The following MCF2L variants were observed in gnomAD, a reference collection of about 807,000 sequenced individuals.
MCF2L encodes the protein guanine nucleotide exchange factor DBS.
Under a neutral mutation model 153.4 loss-of-function variants are expected in MCF2L, and 97 were observed. The observed-to-expected ratio is 0.63, with a 90% CI of 0.54 to 0.75. MCF2L has a LOEUF of 0.75. MCF2L is among the 30% of genes least tolerant of loss of function. The pLI is 0.00. For missense variants in MCF2L, 1,347 were observed against 1,495.2 expected, an observed-to-expected ratio of 0.90 and a Z score of 1.64; for synonymous variants, 659 against 632.2, an observed-to-expected ratio of 1.04 and a Z score of -0.64.
In MCF2L at chr13:113,033,564, G is replaced by A. The variant is rs1001832984; in HGVS notation, c.278+8806G>A. ...GGTCACTGCTGTAAAGGGTCGCCCC[G>A]CCATGGTGTTCTGTCTGTGAGATTG... On this transcript the variant is annotated intron_variant, in intron 3 of 29. Transcript: ENST00000535094. Among the ~76,000 whole-genome samples, 6 of 152,150 alleles carry A rather than the reference G, an allele frequency of 3.9e-5. No homozygotes were observed. The East Asian group carries it at 5.8e-4, about 15-fold the overall frequency.
chr13:112,987,332 G>C (rs1003460541), intron 1 of MCF2L, among the ~76,000 whole-genome samples: 2 of 23,128 alleles, frequency 8.6e-5, no homozygotes, highest in Non-Finnish European at 3.6e-4. Flanking sequence ...CGCAGCCCAG[G>C]GCTCGTTGTC....
At chr13:112,905,265 G>A (rs1853501299) in intron 2 of MCF2L, among the ~76,000 whole-genome samples, 1 of 152,222 alleles carries the variant, frequency 6.6e-6, no homozygotes, top group Non-Finnish European at 1.5e-5. Context: ...CCCTGCTACT[G>A]TGTCCAGTCC....
At chr13:112,946,629 G>A (rs915249004) in intron 2 of MCF2L, among the ~76,000 whole-genome samples, 2 of 152,176 alleles carry the variant, frequency 1.3e-5, no homozygotes, top group Non-Finnish European at 2.9e-5. Flanking sequence ...CTTAGGTGGT[G>A]AAACTGACAC....
chr13:113,070,278 A>G lies in MCF2L; in HGVS notation c.996+105A>G. The G allele has an allele frequency of 2.8e-6, 2 of 702,936 alleles. No homozygotes were observed. The highest frequency in any genetic ancestry group is 4.3e-6 in the Non-Finnish European group (2 of 459,986). The allele number at this position is 702,936 out of a possible 1,614,324, so 43.5% of individuals were successfully genotyped here. ...GGAGCTGAGCCGTGCCACCCAGTTG[A>G]CTTTGGCTTAATGCAGAAAAGTCTC... On this transcript the variant is annotated intron_variant, in intron 9 of 29. Coordinates refer to ENST00000535094, the MANE Select transcript of MCF2L (RefSeq NM_001112732.3). The surrounding 1 kb of genome is among the most constrained non-coding windows in gnomAD (Gnocchi z 5.6).
At chr13:113,081,100 C>A in intron 15 of MCF2L, 113 bp from the exon 16 acceptor site, 1 of 897,282 alleles carries the variant, frequency 1.1e-6, no homozygotes, top group Non-Finnish European at 1.7e-6. Context: ...CGCCGCCAGT[C>A]CCCTCCTGCT....
chr13:113,005,105 G>A (rs550982312), intron 1 of MCF2L, among the ~76,000 whole-genome samples: 72 of 152,322 alleles, frequency 4.7e-4, no homozygotes, highest in African/African-American at 1.7e-3. Flanking sequence ...GTGGATGGGC[G>A]CGTGAAGATG....
chr13:112,922,107 CG>C, intron 2 of MCF2L, among the ~76,000 whole-genome samples: 2 of 152,288 alleles, frequency 1.3e-5, no homozygotes, highest in South Asian at 4.2e-4. Context: ...ACGTGTGGGC[CG>C]GGAGCAGCCC....
In MCF2L at chr13:113,045,142, C is replaced by T; in HGVS notation, c.279-129C>T. ...CGGGGCCCCCGTGTGCCATGCCTCT[C>T]ACCTGGTATTGCAGAAATGGCATCA... is the stretch of plus-strand genomic sequence containing the variant. On this transcript the variant is annotated intron_variant, in intron 3 of 29. Coordinates refer to ENST00000535094, the MANE Select transcript of MCF2L (RefSeq NM_001112732.3). The surrounding 1 kb of genome is among the most constrained non-coding windows in gnomAD (Gnocchi z 4.2). The T allele has an allele frequency of 1.1e-6, 1 of 942,630 alleles. No homozygotes were observed. The highest frequency in any genetic ancestry group is 1.7e-6 in the Non-Finnish European group (1 of 588,740). The allele number at this position is 942,630 out of a possible 1,614,324, so 58.4% of individuals were successfully genotyped here. A position where few individuals can be genotyped will look rare whatever the true frequency, so the allele number is the denominator to read the frequency against.
chr13:113,005,645 G>C (rs536654888), intron 1 of MCF2L, among the ~76,000 whole-genome samples: 27 of 152,224 alleles, frequency 1.8e-4, no homozygotes, highest in African/African-American at 6.0e-4. Context: ...GCTGTGACCT[G>C]TTCAAGGTGG....
intron 2 of MCF2L, among the ~76,000 whole-genome samples, chr13:112,920,202 A>AT (rs1314291078): frequency 1.3e-5 from 2 of 152,220 alleles, no homozygotes; most frequent in Non-Finnish European, 2.9e-5. Flanking sequence ...GAGCTCACGT[A>AT]TGGGTACATG....
At position 113,064,304 on chromosome 13, in the gene MCF2L, G is replaced by A. The variant is rs545261434; in HGVS notation, c.490G>A (p.Val164Ile). ...ACCACGCATTCCCTTTCTCCTCCAG[G>A]TCATAATGCTGAGCTCCGTACCAGA... ...NRDDFKMKVP[V>I]IMLSSVPDLH... The change falls in exon 6 of 30, where the codon GTC becomes ATC. Residue 164 changes from valine (V) to isoleucine (I), a missense_variant and splice_region_variant. Val to Ile is a conservative substitution (Grantham distance 29). Transcript: ENST00000535094. This position sits in a 1 kb window ranked among gnomAD's most constrained non-coding sequence, Gnocchi z 6.0. The A allele has an allele frequency of 2.5e-5, 41 of 1,608,832 alleles. No homozygotes were observed. In the South Asian group the frequency reaches 4.2e-4, roughly 16 times the overall value.
intron 2 of MCF2L, among the ~76,000 whole-genome samples, chr13:112,918,549 A>G (rs1594324125): frequency 6.6e-6 from 1 of 151,704 alleles, no homozygotes; most frequent in East Asian, 1.9e-4. Context: ...AGTTTGAAAA[A>G]CCTAGGCCTG....
intron 1 of MCF2L, among the ~76,000 whole-genome samples, chr13:112,981,654 G>A (rs1463584921): frequency 6.6e-6 from 1 of 152,242 alleles, no homozygotes; most frequent in Non-Finnish European, 1.5e-5. Context: ...GAGACCGGAT[G>A]ACCACCAGCT....
intron 2 of MCF2L, among the ~76,000 whole-genome samples, chr13:112,934,756 T>C (rs1026076976): frequency 4.6e-5 from 7 of 152,146 alleles, no homozygotes; most frequent in African/African-American, 1.7e-4. Context: ...AGGTGGAAGG[T>C]TGGAGGCCAC....
At chr13:113,083,530 G>A (rs753550230) in intron 17 of MCF2L, among the ~76,000 whole-genome samples, 1 of 152,178 alleles carries the variant, frequency 6.6e-6, no homozygotes, top group African/African-American at 2.4e-5. Flanking sequence ...TCCCCCAGAC[G>A]GTTTTCCCCT....
At chr13:112,957,880 T>C (rs909604402) in intron 2 of MCF2L, 1 of 152,220 alleles carries the variant, frequency 6.6e-6, no homozygotes, top group African/African-American at 2.4e-5. Context: ...TGAATTTAAT[T>C]TTATCACTTA....
rs868483590 is a variant in MCF2L, at chr13:112,995,009, G to A, written c.80-19754G>A. ...TGGCTCCAGGACGGTCCCCAGGGGC[G>A]CCTCCCTCCATCCCCTCCTGTCCTG... On this transcript the variant is annotated intron_variant, in intron 1 of 29. Transcript: ENST00000535094. 7.9e-5 allele frequency among the ~76,000 whole-genome samples: 12 copies of A among 152,200 alleles called. No individual in the cohort carries two copies. In the South Asian group the frequency reaches 1.0e-3, roughly 13 times the overall value.
intron 2 of MCF2L, among the ~76,000 whole-genome samples, chr13:112,938,609 GT>G (rs1241510936): frequency 6.6e-6 from 1 of 152,120 alleles, no homozygotes; most frequent in Non-Finnish European, 1.5e-5. Context: ...TTTTTCTTTT[GT>G]TTTGTTTTTT....
At chr13:113,011,287 G>T (rs544500635) in intron 1 of MCF2L, among the ~76,000 whole-genome samples, 57 of 152,340 alleles carry the variant, frequency 3.7e-4, no homozygotes, top group African/African-American at 1.4e-3. Context: ...ACACACAGGG[G>T]GATCCCTGCT....
Sources: allele counts gnomAD v4.1 joint callset (sites outside exome capture counted in the v4.1 genomes callset), GRCh38; gene constraint gnomAD v4.1.1; non-coding constraint Gnocchi (gnomAD v3.1); transcripts MANE v1.5; gene names NCBI Gene and HGNC (gene_info 2026-07-23, HGNC 2026-07-21).